The following CCDC197 variants were observed in gnomAD, a reference collection of about 807,000 sequenced individuals.
CCDC197 encodes the protein coiled-coil domain containing 197.
A neutral mutation model predicts 13.4 loss-of-function variants in CCDC197; 24 were observed. The ratio of observed to expected loss-of-function variants is 1.80; its 90% CI spans 1.30 to 2.53. The LOEUF is 2.53. Ranked by LOEUF, CCDC197 falls within the 30% of genes most tolerant of loss-of-function variation. CCDC197 has a pLI of 0.00. For missense variants in CCDC197, 255 were observed against 148.8 expected, an observed-to-expected ratio of 1.71 and a Z score of -3.71; for synonymous variants, 99 against 55.5, an observed-to-expected ratio of 1.78 and a Z score of -3.48.
intron 1 of CCDC197, among the ~76,000 whole-genome samples, chr14:93,988,209 GGAGAGGGGATGA>G (rs1420593557): frequency 1.8e-4 from 22 of 122,232 alleles, no homozygotes; most frequent in Non-Finnish European, 1.2e-4. Context: ...GGAGGGTATG[GGAGAGGGGATGA>G]GAGAGGGGAT....
upstream of CCDC197, among the ~76,000 whole-genome samples, chr14:93,993,461 C>T (rs1378326144): frequency 6.6e-6 from 1 of 152,232 alleles, no homozygotes; most frequent in Non-Finnish European, 1.5e-5. Context: ...ATTACCCACA[C>T]TTTGCCTTTC....
chr14:93,991,058 A>C (rs920008919), intron 1 of CCDC197, among the ~76,000 whole-genome samples: 16 of 152,226 alleles, frequency 1.1e-4, no homozygotes, highest in South Asian at 2.1e-4. Flanking sequence ...ATGCTGAAGC[A>C]CGACTCTATC....
chr14:93,998,432 C>A (rs1406183532), intron 2 of CCDC197, among the ~76,000 whole-genome samples, 197 bp downstream of exon 2: 1 of 152,194 alleles, frequency 6.6e-6, no homozygotes, highest in Non-Finnish European at 1.5e-5. Flanking sequence ...GTGGCTATTG[C>A]CCTTTGGCCT....
rs569329618 is a variant in CCDC197, at chr14:93,987,688, G to A, written c.-107+292G>A. 4.6e-5 allele frequency among the ~76,000 whole-genome samples: 7 copies of A among 152,290 alleles called. No homozygotes were observed. In the South Asian group the frequency reaches 8.3e-4, roughly 18 times the overall value. On this transcript the variant is annotated intron_variant, in intron 1 of 7. Transcript: ENST00000640978. ...GCAGCCCCAGGTCCTCACCTGTGAC[G>A]CAGGAGTCAGGACTGCAGCAGCTTC...
chr14:93,998,808 C>T (rs1268853386), intron 2 of CCDC197, among the ~76,000 whole-genome samples: 2 of 152,196 alleles, frequency 1.3e-5, no homozygotes, highest in East Asian at 3.9e-4. Flanking sequence ...TGATGTTGTC[C>T]TGCACTTTTC....
At chr14:94,007,872 A>G (rs1890729203) in intron 6 of CCDC197, among the ~76,000 whole-genome samples, 1 of 152,224 alleles carries the variant, frequency 6.6e-6, no homozygotes, top group Non-Finnish European at 1.5e-5. Flanking sequence ...GTCAGCAGTG[A>G]GCAAGCCTGT....
Position 94,004,866 on chromosome 14 carries a change from C to T in CCDC197, c.510C>T (p.Leu170=), listed in dbSNP as rs1052547871. The T allele has an allele frequency of 4.8e-5, 34 of 702,814 alleles. No homozygotes were observed. The highest frequency in any genetic ancestry group is 1.9e-4 in the East Asian group (7 of 37,296). The allele number at this position is 702,814 out of a possible 1,614,324, so 43.5% of individuals were successfully genotyped here. ...TCTCTTTCCTGCAGGATCAGCTGCT[C>T]GGCTACATGCAAATGACCATCACCA... is the stretch of plus-strand genomic sequence containing the variant. ...HTSSSYNDQL[L]GYMQMTITNM... Residue 170 remains leucine (L), a synonymous_variant, in exon 6 of 7, where the codon CTC becomes CTT. Transcript: ENST00000636493.
chr14:93,998,397 A>T (rs1350554213), intron 2 of CCDC197, among the ~76,000 whole-genome samples, 162 bp downstream of exon 2: 2 of 152,222 alleles, frequency 1.3e-5, no homozygotes, highest in East Asian at 3.9e-4. Context: ...GCTGAGCAAC[A>T]GCTGTGACGG....
intron 3 of CCDC197, among the ~76,000 whole-genome samples, chr14:94,000,596 C>T (rs960779773): frequency 6.6e-6 from 1 of 152,056 alleles, no homozygotes; most frequent in Non-Finnish European, 1.5e-5. Context: ...GAGCTCCGGG[C>T]TGCTGGGCGA....
At chr14:93,989,093 C>T (rs115784766) in intron 1 of CCDC197, among the ~76,000 whole-genome samples, 1,552 of 152,052 alleles carry the variant, frequency 0.01, 19 homozygotes, top group African/African-American at 0.03. Context: ...TGAGAGAGGG[C>T]AGGGGAGTCT....
intron 2 of CCDC197, 130 bp downstream of exon 2, chr14:93,998,365 G>A (rs1890386759): frequency 1.5e-6 from 1 of 662,162 alleles, no homozygotes; most frequent in African/African-American, 1.8e-5. Flanking sequence ...AGTGTGGCTT[G>A]GAAGCAAATG....
At chr14:93,994,110 A>T (rs1890247842), upstream of CCDC197, among the ~76,000 whole-genome samples, 1 of 152,128 alleles carries the variant, frequency 6.6e-6, no homozygotes, top group African/African-American at 2.4e-5. Context: ...GGTTTTAAGG[A>T]GCAGGATGGA....
At chr14:94,000,684 G>A (rs2141363515) in intron 3 of CCDC197, 1 of 153,578 alleles carries the variant, frequency 6.5e-6, no homozygotes, top group African/African-American at 2.4e-5. Context: ...CATGGGGCTT[G>A]CGGCAGACCC....
chr14:94,000,338 C>T (rs891959444), intron 3 of CCDC197, among the ~76,000 whole-genome samples: 2 of 152,174 alleles, frequency 1.3e-5, no homozygotes, highest in Non-Finnish European at 2.9e-5. Flanking sequence ...GTCACCCAGT[C>T]AGGAAGTGGT....
At chr14:93,996,547 C>CT (rs1890314589), upstream of CCDC197, among the ~76,000 whole-genome samples, 1 of 152,212 alleles carries the variant, frequency 6.6e-6, no homozygotes, top group Admixed American at 6.5e-5. Flanking sequence ...TCCCTCATTC[C>CT]TGGCCCCCAC....
At chr14:94,002,201 G>A (rs1176068689) in intron 4 of CCDC197, among the ~76,000 whole-genome samples, 1 of 152,136 alleles carries the variant, frequency 6.6e-6, no homozygotes, top group African/African-American at 2.4e-5. Context: ...GCGGGGCCAC[G>A]GGGGTATGTC....
chr14:94,011,486 C>A (rs1356439825), downstream of CCDC197, among the ~76,000 whole-genome samples: 3 of 152,240 alleles, frequency 2.0e-5, no homozygotes. Context: ...GAATTGGACA[C>A]GGCATTGCGC....
At chr14:94,006,343 T>A (rs1360805836) in intron 6 of CCDC197, among the ~76,000 whole-genome samples, 1 of 148,706 alleles carries the variant, frequency 6.7e-6, no homozygotes, top group East Asian at 2.0e-4. Flanking sequence ...CATTAAAAAA[T>A]TTGATTATTT....
rs754090184 is a variant in CCDC197, at chr14:93,998,142, T to C, written c.11T>C (p.Met4Thr). The C allele has an allele frequency of 1.3e-6, 1 of 780,596 alleles. No homozygotes were observed. The allele number at this position is 780,596 out of a possible 1,614,324, so 48.4% of individuals were successfully genotyped here. A position where few individuals can be genotyped will look rare whatever the true frequency, so the allele number is the denominator to read the frequency against. The change falls in exon 2 of 7, where the codon ATG (methionine) becomes ACG (threonine). Residue 4 changes from methionine (M) to threonine (T), a missense_variant. Physicochemically the swap from Met to Thr is moderately conservative, Grantham distance 81. Transcript: ENST00000636493. Reference sequence around the variant, plus strand: ...TGCGGTGGTGAGGTGATGGCAGCCATGGACACAGGCCAGAGAGCTGACCCA... The same window carrying C: ...TGCGGTGGTGAGGTGATGGCAGCCACGGACACAGGCCAGAGAGCTGACCCA... MAA[M>T]DTGQRADPSN...
Sources: allele counts gnomAD v4.1 joint callset (sites outside exome capture counted in the v4.1 genomes callset), GRCh38; gene constraint gnomAD v4.1.1; transcripts MANE v1.5; gene names NCBI Gene and HGNC (gene_info 2026-07-23, HGNC 2026-07-21).